The following LTBP1 variants were observed in gnomAD, a reference collection of about 807,000 sequenced individuals.
The protein encoded by LTBP1 is latent-transforming growth factor beta-binding protein 1.
In LTBP1, 129 loss-of-function variants were observed where a neutral mutation model predicts 207.6. The ratio of observed to expected loss-of-function variants is 0.62; its 90% confidence interval spans 0.54 to 0.72. The LOEUF is 0.72. Ranked by LOEUF, LTBP1 falls within the 30% of genes least tolerant of loss-of-function variation. The probability of loss-of-function intolerance (pLI) is 0.00; values close to 1 mark genes in which losing one functional copy is unlikely to be tolerated. For synonymous variants in LTBP1, 963 were observed against 833.7 expected, an observed-to-expected ratio of 1.16 and a Z score of -2.67; for missense variants, 2,281 against 2,217.2, an observed-to-expected ratio of 1.03 and a Z score of -0.58.
At chr2:33,240,137 T>C (rs2092252420) in intron 9 of LTBP1, among the ~76,000 whole-genome samples, 1 of 152,196 alleles carries the variant, frequency 6.6e-6, no homozygotes, top group Non-Finnish European at 1.5e-5. Flanking sequence ...TGAATAGAAT[T>C]ACGGTTTACC....
In LTBP1 at chr2:33,284,307, C is replaced by A. The variant is rs77871775; in HGVS notation, c.3112+4149C>A. Among the ~76,000 whole-genome samples the A allele has an allele frequency of 5.9e-3, 903 of 152,288 alleles. 7 individuals carry two copies. Among genetic ancestry groups the A allele is most frequent in the African/African-American group, 0.021 (871 of 41,542 alleles). On this transcript the variant is annotated intron_variant, in intron 19 of 33. Transcript: ENST00000404816. The stretch of plus-strand genomic sequence containing the variant: ...TAGCTCAGGTCATACAATCCCTCAT[C>A]CTCAATAGTTTATTATCCACTTCAA...
intron 2 of LTBP1, among the ~76,000 whole-genome samples, chr2:32,977,774 C>A (rs919748628): frequency 6.6e-6 from 1 of 152,126 alleles, no homozygotes; most frequent in Non-Finnish European, 1.5e-5. Context: ...TAGGCTCCTG[C>A]GCAGCTTCAC....
chr2:32,968,174 G>A (rs72789887), intron 2 of LTBP1, among the ~76,000 whole-genome samples: 3 of 152,014 alleles, frequency 2.0e-5, no homozygotes, highest in Non-Finnish European at 4.4e-5. Context: ...CACCATGTTG[G>A]CCATACTGGT....
intron 33 of LTBP1, 140 bp from the exon 34 acceptor site, chr2:33,398,224 T>A (rs1013531151): frequency 4.5e-6 from 3 of 673,440 alleles, no homozygotes; most frequent in Non-Finnish European, 7.3e-6. Context: ...AAAGTCATCT[T>A]CGTCTTGTCT....
chr2:32,999,400 T>TTAACTACCCTTGAACAAATGCAA lies in LTBP1; in HGVS notation c.566-21509_566-21508insTAACTACCCTTGAACAAATGCAA, dbSNP rs1414919043. On this transcript the variant is annotated intron_variant, in intron 2 of 33. Coordinates refer to ENST00000404816, the MANE Select transcript of LTBP1 (RefSeq NM_206943.4). ...TGTGAGGTTGGGCGAGGCCTAGACA[T>TTAACTACCCTTGAACAAATGCAA]GGTGTGTGGAGACCCCGGTCTAAGA... 2.6e-3 allele frequency among the ~76,000 whole-genome samples: 352 copies of TTAACTACCCTTGAACAAATGCAA among 137,898 alleles called. 14 individuals carry two copies. The highest frequency in any genetic ancestry group is 0.012 in the Middle Eastern group (3 of 250). The allele number at this position is 137,898 out of a possible 152,430, so 90.5% of individuals were successfully genotyped here.
At chr2:33,300,974 A>G (rs987174746) in intron 21 of LTBP1, among the ~76,000 whole-genome samples, 1 of 152,120 alleles carries the variant, frequency 6.6e-6, no homozygotes, top group Non-Finnish European at 1.5e-5. Flanking sequence ...TTTGTATTTA[A>G]CGTTGAAAAA....
At chr2:33,368,245 G>C (rs1265554266) in intron 31 of LTBP1, among the ~76,000 whole-genome samples, 1 of 151,994 alleles carries the variant, frequency 6.6e-6, no homozygotes, top group Non-Finnish European at 1.5e-5. Context: ...ATTTAAATTA[G>C]TACAGCCTTT....
chr2:32,995,285 G>A (rs548025567), intron 2 of LTBP1, among the ~76,000 whole-genome samples: 3 of 152,178 alleles, frequency 2.0e-5, no homozygotes, highest in Admixed American at 6.5e-5. Flanking sequence ...AGTGCCTCTC[G>A]AACTAATGTG....
At chr2:33,306,811 C>A (rs769991672) in intron 22 of LTBP1, among the ~76,000 whole-genome samples, 18 of 152,074 alleles carry the variant, frequency 1.2e-4, no homozygotes, top group Non-Finnish European at 1.9e-4. Flanking sequence ...GATTGTCAGT[C>A]GGGTGCAGTG....
intron 3 of LTBP1, among the ~76,000 whole-genome samples, chr2:33,055,756 T>C (rs2076964101): frequency 6.6e-6 from 1 of 152,218 alleles, no homozygotes; most frequent in African/African-American, 2.4e-5. Context: ...CTTCATCTGC[T>C]TTAAATCAGA....
intron 3 of LTBP1, among the ~76,000 whole-genome samples, chr2:33,072,683 G>A (rs991276606): frequency 6.6e-6 from 1 of 152,180 alleles, no homozygotes. Flanking sequence ...AACATGAGGT[G>A]ATAAGGACTA....
chr2:33,231,587 G>A (rs1317106421), intron 9 of LTBP1, among the ~76,000 whole-genome samples: 1 of 152,180 alleles, frequency 6.6e-6, no homozygotes, highest in Non-Finnish European at 1.5e-5. Context: ...GTGAACTGCA[G>A]TACTGTGAGC....
chr2:32,997,474 AGCCTG>A (rs1685461929), intron 2 of LTBP1, among the ~76,000 whole-genome samples: 1 of 152,208 alleles, frequency 6.6e-6, no homozygotes, highest in African/African-American at 2.4e-5. Flanking sequence ...ATGCCGTTCC[AGCCTG>A]GCCAACAGAG....
rs376106832 is a variant in LTBP1, at chr2:33,023,680, G to A, written c.863+2474G>A. ...TAGTTTGCCCCATTATCTAGTCCCT[G>A]CAGAGAAGATTAAGATGTACAAGAT... On this transcript the variant is annotated intron_variant, in intron 3 of 33. Transcript: ENST00000404816. Among the ~76,000 whole-genome samples the A allele has an allele frequency of 5.3e-5, 8 of 152,214 alleles. No homozygotes were observed. The South Asian group carries it at 6.2e-4, about 12-fold the overall frequency.
intron 13 of LTBP1, among the ~76,000 whole-genome samples, chr2:33,260,817 A>G (rs2092990194): frequency 6.6e-6 from 1 of 152,240 alleles, no homozygotes; most frequent in Non-Finnish European, 1.5e-5. Flanking sequence ...TGGGCCAGCC[A>G]GCATCCTGGC....
At chr2:33,389,964 C>T (rs896488539) in intron 32 of LTBP1, among the ~76,000 whole-genome samples, 1 of 152,180 alleles carries the variant, frequency 6.6e-6, no homozygotes, top group Non-Finnish European at 1.5e-5. Context: ...ATAACAAAAT[C>T]ATTTCTCTTC....
chr2:33,024,141 A>G (rs920494987), intron 3 of LTBP1, among the ~76,000 whole-genome samples: 20 of 152,376 alleles, frequency 1.3e-4, no homozygotes, highest in Non-Finnish European at 2.2e-4. Context: ...AGCTAAGGAT[A>G]GATAACACTA....
chr2:32,982,899 C>T lies in LTBP1; in HGVS notation c.565+33954C>T, dbSNP rs146640336. Reference sequence around the variant, plus strand: ...GGGCCCTCATGGAGAACCTCTGTTACGGCAGTGCAGAAGGGAAATGTGGGG... The same window carrying T: ...GGGCCCTCATGGAGAACCTCTGTTATGGCAGTGCAGAAGGGAAATGTGGGG... On this transcript the variant is annotated intron_variant, in intron 2 of 33. Coordinates refer to ENST00000404816, the MANE Select transcript of LTBP1 (RefSeq NM_206943.4). Among the ~76,000 whole-genome samples the T allele has an allele frequency of 7.8e-3, 1,193 of 152,290 alleles. 14 individuals carry two copies. The highest frequency in any genetic ancestry group is 0.026 in the African/African-American group (1,076 of 41,558).
intron 7 of LTBP1, among the ~76,000 whole-genome samples, chr2:33,208,079 G>A (rs2090012165): frequency 6.6e-6 from 1 of 152,236 alleles, no homozygotes; most frequent in Non-Finnish European, 1.5e-5. Context: ...AAAAAAAATA[G>A]GATTAACATT....
Sources: allele counts gnomAD v4.1 joint callset (sites outside exome capture counted in the v4.1 genomes callset), GRCh38; gene constraint gnomAD v4.1.1; transcripts MANE v1.5; gene names NCBI Gene and HGNC (gene_info 2026-07-23, HGNC 2026-07-21).